CPM: variants seen among roughly 807,000 people sequenced by gnomAD.
The protein encoded by CPM is renal carboxypeptidase.
In CPM, 35 loss-of-function variants were observed where a neutral mutation model predicts 46.4. That is an observed-to-expected ratio of 0.75 (90% CI 0.58 to 1.00). CPM has a LOEUF of 1.00. Among genes scored for constraint, CPM ranks in the 50% least tolerant of loss-of-function variants. The pLI, the probability that CPM is intolerant of heterozygous loss-of-function variation, is 0.00. For missense variants in CPM, 422 were observed against 530.4 expected (o/e 0.80, Z 2.01); for synonymous variants, 195 against 195.3 (o/e 1.00, Z 0.01).
rs183625859 is a variant in CPM, at chr12:68,877,954, G to A, written c.259-5998C>T. Among the ~76,000 whole-genome samples the A allele has an allele frequency of 2.6e-5, 4 of 152,342 alleles. No individual in the cohort carries two copies. In the East Asian group the frequency reaches 7.7e-4, roughly 29 times the overall value. On this transcript the variant is annotated intron_variant, in intron 3 of 8. Transcript: ENST00000551568. ...CAACTGTCTCTTATACTTAGAAGGTGTGTGAAAGTCATTTATCCTTTATCT... is the reference window on the plus strand; with the variant it reads ...CAACTGTCTCTTATACTTAGAAGGTATGTGAAAGTCATTTATCCTTTATCT...
intron 1 of CPM, among the ~76,000 whole-genome samples, chr12:68,958,581 C>A (rs1470422051): frequency 2.0e-5 from 3 of 152,152 alleles, no homozygotes; most frequent in Non-Finnish European, 4.4e-5. Flanking sequence ...CCTCCTAATG[C>A]TGTTTGTGAC....
intron 5 of CPM, chr12:68,845,251 T>C (rs1037147768): frequency 4.6e-6 from 1 of 215,524 alleles, no homozygotes; most frequent in African/African-American, 2.3e-5. Flanking sequence ...TTTAAAAGTT[T>C]GTGATCATAT....
At chr12:68,938,205 G>T (rs184077960) in intron 1 of CPM, among the ~76,000 whole-genome samples, 32 of 152,156 alleles carry the variant, frequency 2.1e-4, no homozygotes, top group African/African-American at 7.7e-4. Context: ...CAAGATAAAA[G>T]AAAAATTTTA....
At chr12:68,867,159 T>G in intron 6 of CPM, 111 bp from the exon 7 acceptor site, 1 of 1,067,346 alleles carries the variant, frequency 9.4e-7, no homozygotes, top group Non-Finnish European at 1.4e-6. Context: ...CAGGAAAAAA[T>G]GAATTTGACA....
At chr12:68,943,837 T>C (rs191353070) in intron 1 of CPM, among the ~76,000 whole-genome samples, 1 of 152,180 alleles carries the variant, frequency 6.6e-6, no homozygotes, top group South Asian at 2.1e-4. Flanking sequence ...TTTCTAGCTT[T>C]GTTTCAAATG....
intron 2 of CPM, among the ~76,000 whole-genome samples, chr12:68,932,269 A>G (rs74099500): frequency 0.066 from 9,979 of 152,308 alleles, 845 homozygotes; most frequent in African/African-American, 0.19. Flanking sequence ...TCAGTTTAAA[A>G]GAGACATGAA....
upstream of CPM, among the ~76,000 whole-genome samples, chr12:68,934,369 G>A (rs182310369): frequency 6.6e-6 from 1 of 152,304 alleles, no homozygotes; most frequent in Admixed American, 6.5e-5. Flanking sequence ...GCCTTCAAGA[G>A]CTGAGAACCG....
At chr12:68,874,718 C>T (rs1043514323) in intron 3 of CPM, among the ~76,000 whole-genome samples, 3 of 152,092 alleles carry the variant, frequency 2.0e-5, no homozygotes, top group African/African-American at 4.8e-5. Context: ...GACCAGGAGT[C>T]CCATAGTTCC....
chr12:68,936,023 A>G (rs915345266), upstream of CPM, among the ~76,000 whole-genome samples: 1 of 152,150 alleles, frequency 6.6e-6, no homozygotes, highest in African/African-American at 2.4e-5. Flanking sequence ...TGGGGTTCAC[A>G]CTAGGTAGGA....
intron 1 of CPM, among the ~76,000 whole-genome samples, chr12:68,938,610 A>G (rs1386640786): frequency 3.3e-5 from 5 of 152,184 alleles, no homozygotes. Context: ...AAAAGCATGT[A>G]CACTTTTAAG....
At chr12:68,897,701 C>A (rs1349381001) in intron 2 of CPM, among the ~76,000 whole-genome samples, 1 of 144,474 alleles carries the variant, frequency 6.9e-6, no homozygotes, top group Non-Finnish European at 1.5e-5. Flanking sequence ...CGTGCCATTG[C>A]ACTCCAGTCT....
intron 2 of CPM, among the ~76,000 whole-genome samples, chr12:68,906,639 G>C (rs767651373): frequency 1.3e-5 from 2 of 151,954 alleles, no homozygotes; most frequent in African/African-American, 4.8e-5. Context: ...ACAGGTATCC[G>C]CCATCACACC....
At chr12:68,871,035 G>C (rs1275618173) in intron 4 of CPM, among the ~76,000 whole-genome samples, 3 of 152,128 alleles carry the variant, frequency 2.0e-5, no homozygotes, top group Non-Finnish European at 4.4e-5. Context: ...GTTCAGCTTT[G>C]GTAAAGCAAA....
intron 1 of CPM, among the ~76,000 whole-genome samples, chr12:68,961,386 C>A (rs1461444331): frequency 6.6e-6 from 1 of 151,996 alleles, no homozygotes; most frequent in African/African-American, 2.4e-5. Context: ...CTCGAGTGGT[C>A]CACCTGCCTT....
At chr12:68,866,792 A>T in intron 7 of CPM, 104 bp downstream of exon 7, 1 of 953,560 alleles carries the variant, frequency 1.0e-6, no homozygotes, top group Non-Finnish European at 1.6e-6. Flanking sequence ...AAATGAGGCT[A>T]TAACTACAAA....
chr12:68,932,597 G>C, intron 2 of CPM, 81 bp downstream of exon 2: 1 of 1,525,588 alleles, frequency 6.6e-7, no homozygotes, highest in Non-Finnish European at 9.0e-7. Flanking sequence ...TGGAAGAGCA[G>C]ACAGGAAGCT....
At chr12:68,963,284 G>T, upstream of CPM, 1 of 187,878 alleles carries the variant, frequency 5.3e-6, no homozygotes, top group Non-Finnish European at 1.1e-5. Flanking sequence ...AGGCCTTGCT[G>T]GGTTTCCTCA....
rs1237443711 is a variant in CPM, at chr12:68,856,373, A to G, written c.*64T>C. 1 of 1,549,204 alleles carries G rather than the reference A, an allele frequency of 6.5e-7. No individual in the cohort carries two copies. Among genetic ancestry groups the G allele is most frequent in the Non-Finnish European group, 8.7e-7 (1 of 1,142,902 alleles). ...TCCCACTAGAGTGAGTTAGGGTTGC[A>G]GTAACCTGGAGTGAGCAATCCCTGA... On this transcript the variant is annotated 3_prime_UTR_variant, in exon 9 of 9. Transcript: ENST00000551568.
chr12:68,891,081 C>T lies in CPM; in HGVS notation c.161-5192G>A, dbSNP rs192248510. The stretch of plus-strand genomic sequence containing the variant: ...CAATGAACTGAGTTTCAGTTTCTTC[C>T]ACGTAAGTGGGAATAACAGCCCTAC... On this transcript the variant is annotated intron_variant, in intron 2 of 8. Transcript: ENST00000551568. Among the ~76,000 whole-genome samples, 177 of 152,366 alleles carry T rather than the reference C, an allele frequency of 1.2e-3. 1 individual carries two copies. The highest frequency in any genetic ancestry group is 2.2e-3 in the Non-Finnish European group (151 of 68,040).
Sources: gnomAD v4.1 joint callset for allele counts (sites outside exome capture counted in the v4.1 genomes callset) on GRCh38, gnomAD v4.1.1 for gene constraint, MANE v1.5 for transcripts, NCBI Gene and HGNC (gene_info 2026-07-23, HGNC 2026-07-21) for gene names.